ADAM12: variants seen among roughly 807,000 people sequenced by gnomAD.
ADAM12 encodes disintegrin and metalloproteinase domain-containing protein 12.
In ADAM12, 70 loss-of-function variants were observed where a neutral mutation model predicts 106.4. The observed-to-expected ratio is 0.66, with a 90% CI of 0.54 to 0.80. ADAM12 has a LOEUF of 0.80. Among genes scored for constraint, ADAM12 ranks in the 30% least tolerant of loss-of-function variants. The pLI is 0.00. For synonymous variants in ADAM12, 420 were observed against 433.5 expected, an observed-to-expected ratio of 0.97 and a Z score of 0.39; for missense variants, 1,010 against 1,171.9, an observed-to-expected ratio of 0.86 and a Z score of 2.02.
rs1332473629 is a variant in ADAM12 at position 126,064,153 on chromosome 10, G to GC, written c.1609+652dup. On this transcript the variant is annotated intron_variant, in intron 14 of 22. Coordinates refer to ENST00000448723, the MANE Select transcript of ADAM12 (RefSeq NM_001288973.2). The surrounding 1 kb of genome is among the most constrained non-coding windows in gnomAD (Gnocchi z 4.4). ...AGAGACAAAGTGTGCCAAGTGCCCA[G>GC]CCTGAACTGGTGAAATGGTGAACTG... Among the ~76,000 whole-genome samples, 4 of 152,192 alleles carry GC rather than the reference G, an allele frequency of 2.6e-5. No individual in the cohort carries two copies. In the South Asian group the frequency reaches 8.3e-4, roughly 31 times the overall value.
chr10:126,339,391 C>T (rs960598998), intron 1 of ADAM12, among the ~76,000 whole-genome samples: 3 of 152,164 alleles, frequency 2.0e-5, no homozygotes, highest in Non-Finnish European at 4.4e-5. Flanking sequence ...CAATACCATC[C>T]ACATTCATCG....
intron 3 of ADAM12, among the ~76,000 whole-genome samples, chr10:126,165,670 C>T (rs1400062975): frequency 1.3e-5 from 2 of 152,152 alleles, no homozygotes; most frequent in African/African-American, 4.8e-5. Flanking sequence ...ACACTGCCTT[C>T]CCAGGAAGCA....
At chr10:126,117,466 G>T (rs1420876164) in intron 6 of ADAM12, among the ~76,000 whole-genome samples, 1 of 152,204 alleles carries the variant, frequency 6.6e-6, no homozygotes, top group African/African-American at 2.4e-5. Context: ...TTGCAGCTTG[G>T]ACTGTGGATA....
intron 6 of ADAM12, among the ~76,000 whole-genome samples, chr10:126,112,339 T>C (rs1178002221): frequency 6.6e-6 from 1 of 151,844 alleles, no homozygotes; most frequent in Non-Finnish European, 1.5e-5. Context: ...TATCCTGTTT[T>C]TTTTTTTTTA....
chr10:126,283,275 T>C (rs2133763162), intron 2 of ADAM12, among the ~76,000 whole-genome samples: 1 of 152,260 alleles, frequency 6.6e-6, no homozygotes, highest in East Asian at 1.9e-4. Flanking sequence ...TGTGACCTGG[T>C]TCCTAGGCTA....
Position 126,101,071 on chromosome 10 carries a change from C to T in ADAM12, c.911+1G>A. 6.2e-7 allele frequency: 1 copy of T among 1,613,676 alleles called. No individual in the cohort carries two copies. The highest frequency in any genetic ancestry group is 2.2e-5 in the East Asian group (1 of 44,852). The stretch of plus-strand genomic sequence containing the variant: ...TAAGCAGACAAGACGTAACTCCCTA[C>T]CTGACAAGCTGCGCATTGTCATGGG... On this transcript the variant is annotated splice_donor_variant, in intron 9 of 22. Transcript: ENST00000448723. LOFTEE classifies it high-confidence loss of function.
chr10:126,070,931 T>G (rs1413413814), intron 12 of ADAM12, among the ~76,000 whole-genome samples: 3 of 152,184 alleles, frequency 2.0e-5, no homozygotes, highest in Non-Finnish European at 4.4e-5. Flanking sequence ...TTAAGCCCTG[T>G]GCTAGATAAA....
At chr10:126,095,190 T>C (rs936563284) in intron 10 of ADAM12, among the ~76,000 whole-genome samples, 1 of 152,268 alleles carries the variant, frequency 6.6e-6, no homozygotes, top group Non-Finnish European at 1.5e-5. Context: ...CCAAAACGCA[T>C]GCTGAAGCTT....
At chr10:126,192,854 G>A (rs1009751641) in intron 3 of ADAM12, among the ~76,000 whole-genome samples, 1 of 152,228 alleles carries the variant, frequency 6.6e-6, no homozygotes, top group African/African-American at 2.4e-5. Flanking sequence ...TAGAGCTGCG[G>A]GTTTCTACCA....
intron 10 of ADAM12, among the ~76,000 whole-genome samples, chr10:126,094,925 G>C (rs948790779): frequency 6.6e-6 from 1 of 152,118 alleles, no homozygotes; most frequent in African/African-American, 2.4e-5. Flanking sequence ...TGCCTGGATG[G>C]CTTGGCTCAA....
chr10:126,311,017 T>C (rs1020199162), intron 2 of ADAM12, among the ~76,000 whole-genome samples: 1 of 151,966 alleles, frequency 6.6e-6, no homozygotes, highest in Non-Finnish European at 1.5e-5. Flanking sequence ...ATGCCTCCTC[T>C]GAGCTGAGCT....
intron 1 of ADAM12, among the ~76,000 whole-genome samples, chr10:126,367,572 A>G (rs1184289045): frequency 7.6e-6 from 1 of 132,226 alleles, no homozygotes; most frequent in Non-Finnish European, 1.7e-5. Flanking sequence ...AATCAATAAA[A>G]TAAATAACAA....
rs73372586 is a variant in ADAM12, at chr10:126,020,239, C to T, written c.2530-414G>A. 7.4e-3 allele frequency among the ~76,000 whole-genome samples: 1,127 copies of T among 152,294 alleles called. 14 individuals are homozygous for T. Among genetic ancestry groups the T allele is most frequent in the African/African-American group, 0.023 (966 of 41,556 alleles). ...TTTGCCAACATCACATAGCAGGACT[C>T]GTTCATCTGTGGGTGGATGAGACGG... On this transcript the variant is annotated intron_variant, in intron 21 of 22. Coordinates refer to ENST00000448723, the MANE Select transcript of ADAM12 (RefSeq NM_001288973.2).
chr10:126,300,017 AC>A (rs559644463), intron 2 of ADAM12, among the ~76,000 whole-genome samples: 67 of 152,188 alleles, frequency 4.4e-4, no homozygotes, highest in African/African-American at 1.6e-3. Context: ...ATTCCTTTTC[AC>A]TTTCTTTCCT....
intron 5 of ADAM12, among the ~76,000 whole-genome samples, chr10:126,126,090 G>C (rs1192756002): frequency 6.6e-6 from 1 of 152,158 alleles, no homozygotes; most frequent in Admixed American, 6.5e-5. Flanking sequence ...GTTTATGGCA[G>C]TTTGTGAAGG....
intron 2 of ADAM12, among the ~76,000 whole-genome samples, chr10:126,311,888 G>A (rs1396526178): frequency 2.0e-5 from 3 of 151,994 alleles, no homozygotes; most frequent in East Asian, 1.9e-4. Context: ...AGTGAGTCCC[G>A]AGTCATTATA....
chr10:126,287,887 C>T (rs1959947160), intron 2 of ADAM12, among the ~76,000 whole-genome samples: 1 of 151,990 alleles, frequency 6.6e-6, no homozygotes, highest in African/African-American at 2.4e-5. Context: ...ATAGAAACTT[C>T]CCAAGGACAA....
intron 2 of ADAM12, among the ~76,000 whole-genome samples, chr10:126,294,153 A>G (rs1288889708): frequency 6.6e-6 from 1 of 152,196 alleles, no homozygotes; most frequent in Non-Finnish European, 1.5e-5. Context: ...GCAGAACCTG[A>G]CACTGTGCTA....
chr10:126,042,923 G>A, intron 18 of ADAM12, 117 bp downstream of exon 18: 1 of 959,364 alleles, frequency 1.0e-6, no homozygotes, highest in Non-Finnish European at 1.6e-6. Flanking sequence ...GTAGACCCAT[G>A]TGGGGTCCCC....
Sources: gnomAD v4.1 joint callset for allele counts (sites outside exome capture counted in the v4.1 genomes callset) on GRCh38, gnomAD v4.1.1 for gene constraint, Gnocchi (gnomAD v3.1) non-coding constraint, MANE v1.5 for transcripts, NCBI Gene and HGNC (gene_info 2026-07-23, HGNC 2026-07-21) for gene names.